The following MAPKBP1 variants were observed in gnomAD, a reference collection of about 807,000 sequenced individuals.
MAPKBP1 encodes the protein mitogen-activated protein kinase binding protein 1.
MAPKBP1 carries 71 observed loss-of-function variants against 170.5 expected under a neutral mutation model. That is an observed-to-expected ratio of 0.42 (90% CI 0.34 to 0.51). The LOEUF (loss-of-function observed/expected upper bound fraction) is 0.51. MAPKBP1 is among the 20% of genes least tolerant of loss of function. The probability of loss-of-function intolerance (pLI) is 0.06; values close to 1 mark genes in which losing one functional copy is unlikely to be tolerated. For missense variants in MAPKBP1, 1,598 were observed against 1,933.0 expected, an observed-to-expected ratio of 0.83 and a Z score of 3.25; for synonymous variants, 719 against 757.9, an observed-to-expected ratio of 0.95 and a Z score of 0.84.
At chr15:41,788,748 T>A (rs1417093542) in intron 2 of MAPKBP1, among the ~76,000 whole-genome samples, 1 of 152,230 alleles carries the variant, frequency 6.6e-6, no homozygotes, top group East Asian at 1.9e-4. Flanking sequence ...CAGAGTTCAT[T>A]AATGCTAGGC....
At chr15:41,806,456 T>G (rs773639264) in intron 3 of MAPKBP1, among the ~76,000 whole-genome samples, 33 of 152,176 alleles carry the variant, frequency 2.2e-4, no homozygotes, top group Admixed American at 2.0e-3. Context: ...TCATCCCATC[T>G]GGGGGATGGA....
chr15:41,821,092 T>G, intron 23 of MAPKBP1, 24 bp downstream of exon 23: 1 of 1,609,228 alleles, frequency 6.2e-7, no homozygotes, highest in Non-Finnish European at 8.5e-7. Context: ...CTCCCAGCTC[T>G]CTAGAGAGTT....
Position 41,812,942 on chromosome 15 carries a change from G to A in MAPKBP1, c.660G>A (p.Leu220=), listed in dbSNP as rs532004742. 89 of 1,606,996 alleles carry A rather than the reference G, an allele frequency of 5.5e-5. No individual in the cohort carries two copies. Among genetic ancestry groups the A allele is most frequent in the Admixed American group, 2.0e-4 (12 of 59,228 alleles). ...AGGTGAATGCCACTGTGCCCTTGCT[G>A]GGCCGCTCAGGGCTGCTGGGAGAGC... ...TSKVNATVPL[L]GRSGLLGELR... The change falls in exon 8 of 31, where the codon CTG becomes CTA. Residue 220 remains leucine, a synonymous_variant. Coordinates refer to ENST00000457542, the MANE Select transcript of MAPKBP1 (RefSeq NM_014994.3).
rs8037099 is a variant in MAPKBP1 at position 41,822,721 on chromosome 15, C to T, written c.3314+44C>T. 3.5e-5 allele frequency: 56 copies of T among 1,598,970 alleles called. No individual in the cohort carries two copies. The African/African-American group carries it at 3.9e-4, about 11-fold the overall frequency. Reference sequence around the variant, plus strand: ...CCCCAGCAGCAGCTCTGGCTCTCCTCGCCTCCCAGGGCTGCTGCCCTCTCC... The same window carrying T: ...CCCCAGCAGCAGCTCTGGCTCTCCTTGCCTCCCAGGGCTGCTGCCCTCTCC... On this transcript the variant is annotated intron_variant, in intron 27 of 30. Coordinates refer to ENST00000457542, the MANE Select transcript of MAPKBP1 (RefSeq NM_014994.3).
intron 2 of MAPKBP1, among the ~76,000 whole-genome samples, chr15:41,789,865 G>A (rs1596068900): frequency 6.6e-6 from 1 of 152,170 alleles, no homozygotes; most frequent in South Asian, 2.1e-4. Context: ...TGTCCCTGAT[G>A]CCTGCACAAA....
chr15:41,778,654 T>C (rs2064134574), intron 2 of MAPKBP1, among the ~76,000 whole-genome samples: 1 of 152,262 alleles, frequency 6.6e-6, no homozygotes, highest in Non-Finnish European at 1.5e-5. Flanking sequence ...TCCTGTAGAC[T>C]TGTCATTTCC....
chr15:41,815,599 C>T (rs1212970739), intron 11 of MAPKBP1, 25 bp from the exon 12 acceptor site: 3 of 1,605,142 alleles, frequency 1.9e-6, no homozygotes, highest in Middle Eastern at 1.7e-4. Flanking sequence ...CTGCCTCATC[C>T]ACCTTTTCTA....
In MAPKBP1 at chr15:41,817,530, G is replaced by A; in HGVS notation, c.1782+72G>A. The A allele has an allele frequency of 6.2e-7, 1 of 1,613,550 alleles. No individual in the cohort carries two copies. The highest frequency in any genetic ancestry group is 1.1e-5 in the South Asian group (1 of 91,070). ...TGCCATTCCCTGCCTAAGGTTACAA[G>A]AGGTGAAGGGAGGCGCAAGTAGGGC... On this transcript the variant is annotated intron_variant, in intron 15 of 30. Transcript: ENST00000457542. The surrounding 1 kb of genome is among the most constrained non-coding windows in gnomAD (Gnocchi z 4.2).
At chr15:41,802,548 A>G (rs1172757633) in intron 3 of MAPKBP1, among the ~76,000 whole-genome samples, 1 of 152,162 alleles carries the variant, frequency 6.6e-6, no homozygotes, top group African/African-American at 2.4e-5. Context: ...ATCTTAGCTC[A>G]CTGCAACCTC....
Position 41,823,579 on chromosome 15 carries a change from C to G in MAPKBP1, c.3731C>G (p.Pro1244Arg), listed in dbSNP as rs1210730620. 6.2e-7 allele frequency: 1 copy of G among 1,614,168 alleles called. No homozygotes were observed. The highest frequency in any genetic ancestry group is 1.7e-5 in the Admixed American group (1 of 60,028). Residue 1244 changes from proline (P) to arginine (R), a missense_variant, in exon 29 of 31, where the codon CCC becomes CGC. Around this residue, in one of 6 missense-constraint regions of MAPKBP1, gnomAD observed 942 missense variants for 953.2 expected, o/e 0.99. Transcript: ENST00000457542. ...RPSRPHSYQN[P>R]TTSSMAKISR... ...TCTCGGCCTCACTCCTATCAGAACC[C>G]CACCACCAGTTCCATGGCCAAGATA...
At chr15:41,815,865 T>A (rs1042425821) in intron 12 of MAPKBP1, 66 bp downstream of exon 12, 7 of 1,516,434 alleles carry the variant, frequency 4.6e-6, no homozygotes, top group Non-Finnish European at 5.4e-6. Context: ...TTTAGAACTT[T>A]AGGGAGGGTT....
chr15:41,815,579 C>T (rs1261704940), intron 11 of MAPKBP1, 45 bp from the exon 12 acceptor site: 1 of 1,585,942 alleles, frequency 6.3e-7, no homozygotes, highest in Admixed American at 1.7e-5. Context: ...TGCAGCTGTA[C>T]TGGTCAGGCC....
rs758631538 is a variant in MAPKBP1 at position 41,823,213 on chromosome 15, G to A, written c.3589G>A (p.Val1197Met). Reference sequence around the variant, plus strand: ...GAAGGCCCAGTCTGTGCACAGTCTGGTGCCACAGGGTGAGAAGCCTGATGG... The same window carrying A: ...GAAGGCCCAGTCTGTGCACAGTCTGATGCCACAGGGTGAGAAGCCTGATGG... ...LQKAQSVHSL[V>M]PQERHEASLQ... is the part of the protein sequence containing the mutation. The change falls in exon 28 of 31, where the codon GTG becomes ATG. Residue 1197 changes from valine to methionine, a missense_variant. By Grantham distance (21) the Val-to-Met change is conservative. Transcript: ENST00000457542. The A allele has an allele frequency of 8.1e-6, 13 of 1,612,962 alleles. No homozygotes were observed. The highest frequency in any genetic ancestry group is 3.3e-5 in the Admixed American group (2 of 59,984).
In MAPKBP1 at chr15:41,775,295, C is replaced by G. The variant is rs988757291; in HGVS notation, c.20C>G (p.Thr7Ser). MAVEGS[T>S]ITSRIKNLLR... ...GTCATAATGGCTGTGGAAGGGTCAA[C>G]CATTACCAGCCGGATCAAGAATCTG... is the stretch of plus-strand genomic sequence containing the variant. The change falls in exon 2 of 31, where the codon ACC becomes AGC. Residue 7 changes from threonine to serine, a missense_variant. By Grantham distance (58) the Thr-to-Ser change is moderately conservative. Coordinates refer to ENST00000457542, the MANE Select transcript of MAPKBP1 (RefSeq NM_014994.3). 6.2e-7 allele frequency: 1 copy of G among 1,614,084 alleles called. No homozygotes were observed. Among genetic ancestry groups the G allele is most frequent in the African/African-American group, 1.3e-5 (1 of 75,020 alleles).
chr15:41,817,760 G>A lies in MAPKBP1; in HGVS notation c.1904+25G>A, dbSNP rs2064918000. On this transcript the variant is annotated intron_variant, in intron 16 of 30. Coordinates refer to ENST00000457542, the MANE Select transcript of MAPKBP1 (RefSeq NM_014994.3). The surrounding 1 kb of genome is among the most constrained non-coding windows in gnomAD (Gnocchi z 4.2). ...GGTGGGCGTCCCCTCCTCAGACTCT[G>A]CCCACATTCCTTCATCTCCCTACGG... 1 of 1,607,586 alleles carries A rather than the reference G, an allele frequency of 6.2e-7. No homozygotes were observed. The highest frequency in any genetic ancestry group is 8.5e-7 in the Non-Finnish European group (1 of 1,176,974).
rs779593791 is a variant in MAPKBP1, at chr15:41,823,967, C to G, written c.4119C>G (p.Phe1373Leu). 1.9e-6 allele frequency: 3 copies of G among 1,614,110 alleles called. No homozygotes were observed. The highest frequency in any genetic ancestry group is 1.7e-6 in the Non-Finnish European group (2 of 1,180,036). ...AGCAACTGCCAGTCAGCAGCCTCTT[C>G]CAAGGCCCTGAAAACTTGCAGCCCC... ...CAQQLPVSSL[F>L]QGPENLQPPP... Residue 1373 changes from phenylalanine to leucine, a missense_variant, in exon 29 of 31, where the codon TTC (phenylalanine) becomes TTG (leucine). Around this residue, in one of 6 missense-constraint regions of MAPKBP1, gnomAD observed 942 missense variants for 953.2 expected, o/e 0.99. Transcript: ENST00000457542.
At chr15:41,804,479 C>T (rs1315672473) in intron 3 of MAPKBP1, among the ~76,000 whole-genome samples, 1 of 152,226 alleles carries the variant, frequency 6.6e-6, no homozygotes, top group Non-Finnish European at 1.5e-5. Context: ...GCCAGGTTCC[C>T]TCTTGTTGGA....
intron 12 of MAPKBP1, 41 bp downstream of exon 12, chr15:41,815,840 G>A (rs754416441): frequency 1.3e-6 from 2 of 1,577,238 alleles, no homozygotes; most frequent in Non-Finnish European, 1.7e-6. Context: ...GCCTCTCATG[G>A]TGCAGAGTTG....
intron 3 of MAPKBP1, among the ~76,000 whole-genome samples, chr15:41,803,670 G>A (rs1051426267): frequency 6.6e-6 from 1 of 151,958 alleles, no homozygotes; most frequent in African/African-American, 2.4e-5. Context: ...AACTATGATC[G>A]TGCCATTGCA....
Sources: gnomAD v4.1 joint callset for allele counts (sites outside exome capture counted in the v4.1 genomes callset) on GRCh38, gnomAD v4.1.1 for gene constraint, gnomAD v4.1.1 regional missense constraint, Gnocchi (gnomAD v3.1) non-coding constraint, MANE v1.5 for transcripts, NCBI Gene and HGNC (gene_info 2026-07-23, HGNC 2026-07-21) for gene names.